GRB14: variants seen among roughly 807,000 people sequenced by gnomAD.
The protein encoded by GRB14 is growth factor receptor-bound protein 14.
In GRB14, 38 loss-of-function variants were observed where a neutral mutation model predicts 69.1. That is an observed-to-expected ratio of 0.55 (90% CI 0.42 to 0.72). GRB14 has a LOEUF of 0.72. GRB14 is among the 30% of genes least tolerant of loss of function. The probability of loss-of-function intolerance (pLI) is 0.00; values close to 1 mark genes in which losing one functional copy is unlikely to be tolerated. For missense variants in GRB14, 666 were observed against 666.1 expected, an observed-to-expected ratio of 1.00 and a Z score of 0.00; for synonymous variants, 247 against 241.3, an observed-to-expected ratio of 1.02 and a Z score of -0.22.
At chr2:164,506,879 G>A (rs1466553974) in intron 8 of GRB14, among the ~76,000 whole-genome samples, 1 of 152,096 alleles carries the variant, frequency 6.6e-6, no homozygotes, top group Non-Finnish European at 1.5e-5. Flanking sequence ...GAAACAAAAG[G>A]TCACATACTG....
chr2:164,494,718 T>G (rs1322922231), intron 12 of GRB14, among the ~76,000 whole-genome samples, 194 bp from the exon 13 acceptor site: 2 of 152,206 alleles, frequency 1.3e-5, no homozygotes, highest in African/African-American at 4.8e-5. Context: ...CTGTCATCAC[T>G]GCTACTGTAA....
intron 2 of GRB14, among the ~76,000 whole-genome samples, chr2:164,597,420 T>C (rs1689809884): frequency 6.6e-6 from 1 of 152,126 alleles, no homozygotes; most frequent in South Asian, 2.1e-4. Context: ...AAAGAAAAAT[T>C]AGATGTAGCC....
intron 4 of GRB14, 86 bp from the exon 5 acceptor site, chr2:164,525,164 T>G: frequency 1.1e-6 from 1 of 902,878 alleles, no homozygotes; most frequent in Non-Finnish European, 1.8e-6. Context: ...AAAGCAAAAG[T>G]TCTTTAAACT....
chr2:164,554,795 T>A (rs1688637481), intron 2 of GRB14, among the ~76,000 whole-genome samples: 1 of 152,000 alleles, frequency 6.6e-6, no homozygotes, highest in Non-Finnish European at 1.5e-5. Context: ...ACTTTACACA[T>A]CAACTCCTCC....
chr2:164,618,174 A>G (rs1292579600), intron 2 of GRB14, among the ~76,000 whole-genome samples: 1 of 151,826 alleles, frequency 6.6e-6, no homozygotes, highest in African/African-American at 2.4e-5. Context: ...ACCATGTTGG[A>G]CAGGATGGTC....
At position 164,497,283 on chromosome 2, in the gene GRB14, T is replaced by C. The variant is rs775099810; in HGVS notation, c.1222A>G (p.Lys408Glu). ...VAVEEGLAWRKKGCLRLGTHG... is the reference protein window; with the variant it reads ...VAVEEGLAWREKGCLRLGTHG... ...GTGCCCAGGCGTAAACATCCTTTTTTCTGAGCAAGGAAGGAGAAAACAAAT... is the reference window on the plus strand; with the variant it reads ...GTGCCCAGGCGTAAACATCCTTTTTCCTGAGCAAGGAAGGAGAAAACAAAT... The change falls in exon 11 of 14, where the codon AAA becomes GAA. Residue 408 changes from lysine to glutamate, a missense_variant and splice_region_variant. Transcript: ENST00000263915. 6.2e-6 allele frequency: 10 copies of C among 1,612,420 alleles called. No individual in the cohort carries two copies. The highest frequency in any genetic ancestry group is 1.7e-5 in the Admixed American group (1 of 59,672).
chr2:164,600,787 A>T (rs1689896155), intron 2 of GRB14, among the ~76,000 whole-genome samples: 1 of 152,174 alleles, frequency 6.6e-6, no homozygotes, highest in African/African-American at 2.4e-5. Flanking sequence ...ATGGAATTTA[A>T]TTCAATCTCT....
chr2:164,494,732 T>C (rs529467287), intron 12 of GRB14, among the ~76,000 whole-genome samples: 1 of 152,340 alleles, frequency 6.6e-6, no homozygotes, highest in East Asian at 1.9e-4. Flanking sequence ...ACTGTAATTT[T>C]AATAGGCTAA....
At chr2:164,618,694 T>C (rs1690368489) in intron 2 of GRB14, among the ~76,000 whole-genome samples, 1 of 152,196 alleles carries the variant, frequency 6.6e-6, no homozygotes, top group Non-Finnish European at 1.5e-5. Context: ...CAATAATTCA[T>C]CTGCTTCCTA....
intron 2 of GRB14, among the ~76,000 whole-genome samples, chr2:164,550,304 C>G (rs773559909): frequency 1.6e-4 from 25 of 152,160 alleles, no homozygotes; most frequent in Non-Finnish European, 2.8e-4. Context: ...CAGAATGAGC[C>G]TTTGTTCCTA....
chr2:164,542,761 A>C (rs1382759944), intron 3 of GRB14, among the ~76,000 whole-genome samples: 1 of 152,218 alleles, frequency 6.6e-6, no homozygotes, highest in African/African-American at 2.4e-5. Flanking sequence ...GCAAGGCTGC[A>C]GAGAAAAGGG....
chr2:164,500,925 T>A (rs974309113), intron 9 of GRB14, among the ~76,000 whole-genome samples: 5 of 152,166 alleles, frequency 3.3e-5, no homozygotes, highest in Non-Finnish European at 7.4e-5. Context: ...CCATTTTTCC[T>A]ATGATTAAGA....
chr2:164,582,922 G>A (rs1020513252), intron 2 of GRB14, among the ~76,000 whole-genome samples: 4 of 152,052 alleles, frequency 2.6e-5, no homozygotes, highest in Non-Finnish European at 4.4e-5. Context: ...ATGTCTTTAT[G>A]CCCTCTCCCT....
intron 2 of GRB14, among the ~76,000 whole-genome samples, chr2:164,593,342 A>G (rs1285301303): frequency 6.6e-6 from 1 of 152,196 alleles, no homozygotes; most frequent in Non-Finnish European, 1.5e-5. Flanking sequence ...TAAATAAATG[A>G]ATGAATATGT....
In GRB14 at chr2:164,493,084, G is replaced by T; in HGVS notation, c.1575C>A (p.Gly525=). The change falls in exon 14 of 14, where the codon GGC becomes GGA. Residue 525 remains glycine (G), a synonymous_variant. Transcript: ENST00000263915. The stretch of plus-strand genomic sequence containing the variant: ...AATGTTTCAACTTGCAAGGAAGAAC[G>T]CCCTTATTGAGTTGATAGAACTCCA... ...QLVEFYQLNK[G]VLPCKLKHYC... 6.2e-7 allele frequency: 1 copy of T among 1,613,430 alleles called. No homozygotes were observed. The highest frequency in any genetic ancestry group is 8.5e-7 in the Non-Finnish European group (1 of 1,179,546).
rs1021954631 is a variant in GRB14, at chr2:164,494,417, C to A, written c.1476+14G>T. On this transcript the variant is annotated intron_variant, in intron 13 of 13. Transcript: ENST00000263915. ...CATTTCTAATACACAAATGTGAAAT[C>A]ACGAATTACTTACTGGTATAATTTG... 1.5e-6 allele frequency: 2 copies of A among 1,333,922 alleles called. No individual in the cohort carries two copies. The highest frequency in any genetic ancestry group is 1.2e-5 in the South Asian group (1 of 85,190). 82.6% of individuals were successfully genotyped at this position (1,333,922 alleles called of 1,614,324 possible).
intron 2 of GRB14, among the ~76,000 whole-genome samples, chr2:164,615,434 G>A (rs1020736899): frequency 6.6e-6 from 1 of 152,250 alleles, no homozygotes; most frequent in South Asian, 2.1e-4. Flanking sequence ...TGTCTCCCCT[G>A]TTCTTCTTGT....
chr2:164,577,823 C>T (rs1689288847), intron 2 of GRB14, among the ~76,000 whole-genome samples: 1 of 152,036 alleles, frequency 6.6e-6, no homozygotes, highest in African/African-American at 2.4e-5. Context: ...CCCGAGTAAA[C>T]AAAATATAGA....
intron 2 of GRB14, among the ~76,000 whole-genome samples, chr2:164,554,942 C>A (rs1240325763): frequency 6.6e-6 from 1 of 150,988 alleles, no homozygotes; most frequent in Non-Finnish European, 1.5e-5. Flanking sequence ...AAACTTGAGG[C>A]CTTTTAAAGC....
Sources: allele counts gnomAD v4.1 joint callset (sites outside exome capture counted in the v4.1 genomes callset), GRCh38; gene constraint gnomAD v4.1.1; transcripts MANE v1.5; gene names NCBI Gene and HGNC (gene_info 2026-07-23, HGNC 2026-07-21).